The following PLCG2 variants were observed in gnomAD, a reference collection of about 807,000 sequenced individuals.
The protein encoded by PLCG2 is 1-phosphatidylinositol 4,5-bisphosphate phosphodiesterase gamma-2.
Under a neutral mutation model 175.6 loss-of-function variants are expected in PLCG2, and 69 were observed. The observed-to-expected ratio is 0.39, with a 90% CI of 0.32 to 0.48. The LOEUF is 0.48. Ranked by LOEUF, PLCG2 falls within the 20% of genes least tolerant of loss-of-function variation. PLCG2 has a pLI of 0.91. For synonymous variants in PLCG2, 827 were observed against 624.0 expected (o/e 1.33, Z -4.85); for missense variants, 1,798 against 1,650.9 (o/e 1.09, Z -1.54).
In PLCG2 at chr16:81,921,221, C is replaced by T. The variant is rs370847174; in HGVS notation, c.2259C>T (p.Tyr753=). 1.2e-4 allele frequency: 196 copies of T among 1,603,436 alleles called. No individual in the cohort carries two copies. In the Admixed American group the frequency reaches 2.2e-3, roughly 18 times the overall value. The change falls in exon 21 of 33, where the codon TAC becomes TAT. Residue 753 remains tyrosine, a synonymous_variant. Transcript: ENST00000564138. ...YNMERDINSL[Y]DVSRMYVDPS... ...AGGAAAGAGATATAAACTCCCTCTA[C>T]GACGTCAGCAGAATGTATGTGGATC...
Position 81,799,629 on chromosome 16 carries a change from C to T in PLCG2, c.193+13447C>T, listed in dbSNP as rs562579054. ...TTTTTTTTTTTTTGAGACAGAGTCT[C>T]GCTCTATTGCCCAGGTGCAATGGCA... On this transcript the variant is annotated intron_variant, in intron 2 of 32. Coordinates refer to ENST00000564138, the MANE Select transcript of PLCG2 (RefSeq NM_002661.5). Among the ~76,000 whole-genome samples, 144 of 140,068 alleles carry T rather than the reference C, an allele frequency of 1.0e-3. 1 individual carries two copies. Among genetic ancestry groups the T allele is most frequent in the African/African-American group, 3.1e-3 (116 of 37,488 alleles). The allele number at this position is 140,068 out of a possible 152,430, so 91.9% of individuals were successfully genotyped here. A position where few individuals can be genotyped will look rare whatever the true frequency, so the allele number is the denominator to read the frequency against.
chr16:81,956,671 T>G (rs777275007), intron 31 of PLCG2, 24 bp from the exon 32 acceptor site: 1 of 1,606,330 alleles, frequency 6.2e-7, no homozygotes, highest in East Asian at 2.2e-5. Flanking sequence ...ACCACATGGT[T>G]GTTCTCTCCC....
intron 23 of PLCG2, 140 bp from the exon 24 acceptor site, chr16:81,928,418 C>T: frequency 4.7e-6 from 3 of 641,862 alleles, no homozygotes; most frequent in South Asian, 3.6e-5. Flanking sequence ...GCTCTCTCCC[C>T]ATGGACGTAT....
rs571331952 is a variant in PLCG2 at position 81,793,257 on chromosome 16, G to A, written c.193+7075G>A. ...AAGGAGCTGGTTGTCTGTGAATGTC[G>A]GGAGGGAGCTTGTGGTACTGTTGGG... On this transcript the variant is annotated intron_variant, in intron 2 of 32. Coordinates refer to ENST00000564138, the MANE Select transcript of PLCG2 (RefSeq NM_002661.5). Among the ~76,000 whole-genome samples, 39 of 152,294 alleles carry A rather than the reference G, an allele frequency of 2.6e-4. 1 individual carries two copies. In the South Asian group the frequency reaches 6.4e-3, roughly 25 times the overall value.
intron 2 of PLCG2, among the ~76,000 whole-genome samples, chr16:81,765,715 G>A (rs1597306984): frequency 7.5e-6 from 1 of 133,940 alleles, no homozygotes; most frequent in South Asian, 2.4e-4. Flanking sequence ...GCGAGTTATG[G>A]TGTTTGTTAT....
intron 7 of PLCG2, among the ~76,000 whole-genome samples, chr16:81,878,354 A>G (rs1907915886): frequency 6.6e-6 from 1 of 152,078 alleles, no homozygotes; most frequent in African/African-American, 2.4e-5. Flanking sequence ...CCTCATCTTA[A>G]CTTGATTGCA....
chr16:81,803,791 C>T (rs912949662), intron 2 of PLCG2, among the ~76,000 whole-genome samples: 1 of 151,870 alleles, frequency 6.6e-6, no homozygotes, highest in Non-Finnish European at 1.5e-5. Flanking sequence ...AAGTGATTCT[C>T]GTGCCTCAGC....
chr16:81,879,203 T>G (rs1162326953), intron 7 of PLCG2, among the ~76,000 whole-genome samples: 12 of 152,122 alleles, frequency 7.9e-5, no homozygotes, highest in Non-Finnish European at 1.5e-4. Flanking sequence ...CAGATGTAAA[T>G]AAGCTGGGTG....
rs376208314 is a variant in PLCG2 at position 81,921,218 on chromosome 16, C to T, written c.2256C>T (p.Leu752=). 6.2e-7 allele frequency: 1 copy of T among 1,602,604 alleles called. No homozygotes were observed. Among genetic ancestry groups the T allele is most frequent in the African/African-American group, 1.3e-5 (1 of 74,818 alleles). The change falls in exon 21 of 33, where the codon CTC becomes CTT. Residue 752 remains leucine, a synonymous_variant. Coordinates refer to ENST00000564138, the MANE Select transcript of PLCG2 (RefSeq NM_002661.5). ...TCCAGGAAAGAGATATAAACTCCCT[C>T]TACGACGTCAGCAGAATGTATGTGG... ...RYNMERDINS[L]YDVSRMYVDP...
chr16:81,829,486 G>A (rs913364715), intron 2 of PLCG2, among the ~76,000 whole-genome samples: 5 of 152,196 alleles, frequency 3.3e-5, no homozygotes, highest in Admixed American at 2.6e-4. Flanking sequence ...CCGAAGTGTT[G>A]GGATTACAGG....
intron 2 of PLCG2, among the ~76,000 whole-genome samples, chr16:81,757,184 C>G (rs950474666): frequency 3.9e-5 from 6 of 152,168 alleles, no homozygotes; most frequent in Admixed American, 6.5e-5. Flanking sequence ...TCCACCCACT[C>G]ATCCACCCAT....
chr16:81,956,255 T>G (rs902475879), intron 31 of PLCG2, among the ~76,000 whole-genome samples: 5 of 152,184 alleles, frequency 3.3e-5, no homozygotes, highest in African/African-American at 1.2e-4. Context: ...TTAAAAGATT[T>G]TAAATTATCT....
rs571681590 is a variant in PLCG2, at chr16:81,837,504, C to A, written c.194-16940C>A. Among the ~76,000 whole-genome samples, 3 of 152,312 alleles carry A rather than the reference C, an allele frequency of 2.0e-5. No homozygotes were observed. In the South Asian group the frequency reaches 6.2e-4, roughly 32 times the overall value. ...GGAGCCCAGAGGTGGCTGGTAGAAT[C>A]CCCTGGGAGGAGTAAGGGATGCTCT... On this transcript the variant is annotated intron_variant, in intron 2 of 32. Coordinates refer to ENST00000564138, the MANE Select transcript of PLCG2 (RefSeq NM_002661.5).
intron 29 of PLCG2, among the ~76,000 whole-genome samples, 176 bp downstream of exon 29, chr16:81,939,091 G>A (rs1806493378): frequency 6.6e-6 from 1 of 152,130 alleles, no homozygotes; most frequent in Non-Finnish European, 1.5e-5. Context: ...GCCACTTTCT[G>A]AAATCCTTAG....
chr16:81,892,002 G>A (rs1392218362), intron 11 of PLCG2, among the ~76,000 whole-genome samples: 1 of 152,186 alleles, frequency 6.6e-6, no homozygotes, highest in Non-Finnish European at 1.5e-5. Flanking sequence ...GCTGTGAACC[G>A]GCAGCAGCCA....
At chr16:81,913,222 G>A (rs547938352) in intron 19 of PLCG2, among the ~76,000 whole-genome samples, 16 of 152,116 alleles carry the variant, frequency 1.1e-4, no homozygotes, top group Admixed American at 6.6e-4. Context: ...ACAAGGAGCC[G>A]AGGAGTGACT....
At chr16:81,766,505 C>G (rs1300603923) in intron 2 of PLCG2, among the ~76,000 whole-genome samples, 1 of 149,556 alleles carries the variant, frequency 6.7e-6, no homozygotes, top group Non-Finnish European at 1.5e-5. Context: ...TCCTCTTCCT[C>G]CTCCTCCTCA....
At chr16:81,817,949 A>G (rs2048672251) in intron 2 of PLCG2, among the ~76,000 whole-genome samples, 1 of 152,234 alleles carries the variant, frequency 6.6e-6, no homozygotes, top group African/African-American at 2.4e-5. Flanking sequence ...GTTGAGAGCA[A>G]AGACCCAAAG....
At position 81,961,322 on chromosome 16, in the gene PLCG2, A is replaced by G. The variant is rs903750235; in HGVS notation, c.*3324A>G. On this transcript the variant is annotated 3_prime_UTR_variant, in exon 33 of 33. Transcript: ENST00000564138. ...TTGGCTCAATCTTAAGATGTTATCAATCTACATAGATGAAATAATTGTGGA... is the reference window on the plus strand; with the variant it reads ...TTGGCTCAATCTTAAGATGTTATCAGTCTACATAGATGAAATAATTGTGGA... 4 of 225,040 alleles carry G rather than the reference A, an allele frequency of 1.8e-5. No homozygotes were observed. Among genetic ancestry groups the G allele is most frequent in the East Asian group, 6.5e-5 (1 of 15,408 alleles). 13.9% of individuals were successfully genotyped at this position (225,040 alleles called of 1,614,324 possible). A position where few individuals can be genotyped will look rare whatever the true frequency, so the allele number is the denominator to read the frequency against.
Sources: gnomAD v4.1 joint callset for allele counts (sites outside exome capture counted in the v4.1 genomes callset) on GRCh38, gnomAD v4.1.1 for gene constraint, MANE v1.5 for transcripts, NCBI Gene and HGNC (gene_info 2026-07-23, HGNC 2026-07-21) for gene names.